SYNPR: variants seen among roughly 807,000 people sequenced by gnomAD.
The protein encoded by SYNPR is synaptoporin.
Under a neutral mutation model 32.9 loss-of-function variants are expected in SYNPR, and 23 were observed. That is an observed-to-expected ratio of 0.70 (90% CI 0.50 to 0.99). The LOEUF (loss-of-function observed/expected upper bound fraction) is 0.99. Ranked by LOEUF, SYNPR falls within the 50% of genes least tolerant of loss-of-function variation. The pLI, the probability that SYNPR is intolerant of heterozygous loss-of-function variation, is 0.00. For missense variants in SYNPR, 318 were observed against 349.3 expected, an observed-to-expected ratio of 0.91 and a Z score of 0.71; for synonymous variants, 146 against 135.9, an observed-to-expected ratio of 1.07 and a Z score of -0.52.
intron 3 of SYNPR, among the ~76,000 whole-genome samples, chr3:63,488,432 T>C (rs2106711068): frequency 6.6e-6 from 1 of 152,292 alleles, no homozygotes; most frequent in African/African-American, 2.4e-5. Flanking sequence ...AAAGGGATAA[T>C]GGTGAATCTC....
intron 2 of SYNPR, chr3:63,427,415 G>A (rs1699913253): frequency 6.6e-6 from 1 of 152,166 alleles, no homozygotes; most frequent in African/African-American, 2.4e-5. Context: ...TATCAACTAG[G>A]ATGAGAGAGA....
intron 2 of SYNPR, among the ~76,000 whole-genome samples, chr3:63,256,918 G>A (rs971345046): frequency 4.6e-5 from 7 of 152,166 alleles, no homozygotes; most frequent in South Asian, 2.1e-4. Flanking sequence ...ACTACGTGAC[G>A]AATGCACAAG....
chr3:63,411,682 A>T (rs963128974), intron 2 of SYNPR, among the ~76,000 whole-genome samples: 3 of 152,116 alleles, frequency 2.0e-5, no homozygotes, highest in Non-Finnish European at 1.5e-5. Flanking sequence ...GACCCTAGAG[A>T]CAGAGTAAAC....
chr3:63,593,277 T>C (rs1699875800), intron 4 of SYNPR, among the ~76,000 whole-genome samples: 2 of 152,168 alleles, frequency 1.3e-5, no homozygotes, highest in African/African-American at 2.4e-5. Context: ...TCTGTGCTAG[T>C]TGTAATAAAA....
At chr3:63,307,755 A>G (rs572607651) in intron 2 of SYNPR, among the ~76,000 whole-genome samples, 1 of 152,154 alleles carries the variant, frequency 6.6e-6, no homozygotes, top group East Asian at 1.9e-4. Flanking sequence ...AAGTTTTCGT[A>G]AAAGAGGTCA....
At chr3:63,242,798 CTTTATT>C (rs1190856703) in intron 1 of SYNPR, among the ~76,000 whole-genome samples, 1 of 151,868 alleles carries the variant, frequency 6.6e-6, no homozygotes, top group African/African-American at 2.4e-5. Context: ...CTGAAAAAGA[CTTTATT>C]TTTAAGATGT....
intron 2 of SYNPR, among the ~76,000 whole-genome samples, chr3:63,421,371 T>C (rs1374179756): frequency 1.3e-5 from 2 of 150,884 alleles, no homozygotes; most frequent in African/African-American, 2.4e-5. Context: ...AATTAAAAGA[T>C]AAATATATAG....
chr3:63,252,603 T>G (rs1194069284), intron 2 of SYNPR: 1 of 152,182 alleles, frequency 6.6e-6, no homozygotes, highest in Non-Finnish European at 1.5e-5. Flanking sequence ...AAAACATTTC[T>G]AAAAATGTGC....
At chr3:63,456,565 CCT>C (rs1237356113) in intron 2 of SYNPR, among the ~76,000 whole-genome samples, 4 of 151,906 alleles carry the variant, frequency 2.6e-5, no homozygotes, top group Non-Finnish European at 5.9e-5. Flanking sequence ...AGGGGATCAC[CCT>C]CTCATTTTAC....
At chr3:63,390,853 C>T (rs1158996883) in intron 2 of SYNPR, among the ~76,000 whole-genome samples, 1 of 152,176 alleles carries the variant, frequency 6.6e-6, no homozygotes. Context: ...ATTCATTGCA[C>T]CTTCATAGCC....
chr3:63,290,767 T>G (rs972505720), intron 2 of SYNPR, among the ~76,000 whole-genome samples: 2 of 152,190 alleles, frequency 1.3e-5, no homozygotes, highest in Admixed American at 6.5e-5. Flanking sequence ...ATAAACTTTG[T>G]CCATTGTGTG....
At chr3:63,221,714 T>C in the SYNPR span, among the ~76,000 whole-genome samples, 1 of 152,162 alleles carries the variant, frequency 6.6e-6, no homozygotes, top group Non-Finnish European at 1.5e-5. Context: ...ACTAAATGCA[T>C]GGACTCTTTA....
At chr3:63,407,823 T>G (rs2088381770) in intron 2 of SYNPR, among the ~76,000 whole-genome samples, 1 of 152,058 alleles carries the variant, frequency 6.6e-6, no homozygotes, top group Non-Finnish European at 1.5e-5. Context: ...CAAGTACAGA[T>G]GCTAGGGCTC....
At chr3:63,396,307 T>G (rs556617835) in intron 2 of SYNPR, among the ~76,000 whole-genome samples, 2 of 152,192 alleles carry the variant, frequency 1.3e-5, no homozygotes, top group Admixed American at 6.5e-5. Flanking sequence ...AAATGAAACT[T>G]CAAGAGCTCC....
chr3:63,372,664 C>T (rs1029044754), intron 2 of SYNPR, among the ~76,000 whole-genome samples: 1 of 152,138 alleles, frequency 6.6e-6, no homozygotes, highest in Non-Finnish European at 1.5e-5. Context: ...GGGATAGAGC[C>T]CCATGAGATA....
chr3:63,459,063 C>G (rs1180390875), intron 2 of SYNPR, among the ~76,000 whole-genome samples: 1 of 152,026 alleles, frequency 6.6e-6, no homozygotes, highest in African/African-American at 2.4e-5. Context: ...TCATTCAAGA[C>G]TTCCAGCACA....
intron 2 of SYNPR, among the ~76,000 whole-genome samples, chr3:63,428,841 T>C (rs1042074437): frequency 6.6e-6 from 1 of 152,202 alleles, no homozygotes. Context: ...AGGCTCAGAA[T>C]GTGCACGATT....
intron 3 of SYNPR, among the ~76,000 whole-genome samples, chr3:63,494,469 A>G (rs1256647497): frequency 2.3e-5 from 3 of 129,080 alleles, no homozygotes; most frequent in African/African-American, 9.3e-5. Context: ...ACATATATAC[A>G]CATATATACA....
intron 2 of SYNPR, among the ~76,000 whole-genome samples, chr3:63,293,828 C>T (rs73846437): frequency 0.12 from 18,566 of 151,880 alleles, 1,252 homozygotes; most frequent in Non-Finnish European, 0.16. Flanking sequence ...TTTTCTATGA[C>T]GCCAGTCATA....
Sources: gnomAD v4.1 joint callset for allele counts (sites outside exome capture counted in the v4.1 genomes callset) on GRCh38, gnomAD v4.1.1 for gene constraint, MANE v1.5 for transcripts, NCBI Gene and HGNC (gene_info 2026-07-23, HGNC 2026-07-21) for gene names.